Variants in SAFB2 observed in about 807,000 individuals in gnomAD.
SAFB2 encodes the protein scaffold attachment factor B2.
SAFB2 carries 32 observed loss-of-function variants against 100.6 expected under a neutral mutation model. That is an observed-to-expected ratio of 0.32 (90% CI 0.24 to 0.43). SAFB2 has a LOEUF of 0.43. Ranked by LOEUF, SAFB2 falls within the 20% of genes least tolerant of loss-of-function variation. The pLI is 1.00. For missense variants in SAFB2, 1,185 were observed against 1,163.4 expected (o/e 1.02, Z -0.27); for synonymous variants, 500 against 439.4 (o/e 1.14, Z -1.72).
chr19:5,618,230 C>CGGT (rs199740458), intron 2 of SAFB2, among the ~76,000 whole-genome samples: 2,370 of 152,150 alleles, frequency 0.016, 67 homozygotes, highest in African/African-American at 0.054. Context: ...GACGTGGTGG[C>CGGT]GGGCGCCTGT....
At position 5,590,337 on chromosome 19, in the gene SAFB2, C is replaced by G; in HGVS notation, c.2466G>C (p.Trp822Cys). Residue 822 changes from tryptophan (W) to cysteine (C), a missense_variant, in exon 18 of 21, where the codon TGG becomes TGC. Around this residue, in one of 3 missense-constraint regions of SAFB2, gnomAD observed 740 missense variants for 687.1 expected, o/e 1.08. Coordinates refer to ENST00000252542, the MANE Select transcript of SAFB2 (RefSeq NM_014649.3). ...ERHGRDSRDG[W>C]GGYGSDKRLS... is the part of the protein sequence containing the mutation. ...GCCTCTTGTCGGAGCCGTAGCCCCC[C>G]CAGCCATCACGGGAGTCCCGGCCGT... 6.2e-7 allele frequency: 1 copy of G among 1,610,602 alleles called. No homozygotes were observed. Among genetic ancestry groups the G allele is most frequent in the Non-Finnish European group, 8.5e-7 (1 of 1,178,988 alleles).
intron 13 of SAFB2, among the ~76,000 whole-genome samples, chr19:5,597,931 A>C (rs1015005872): frequency 6.6e-6 from 1 of 152,090 alleles, no homozygotes; most frequent in African/African-American, 2.4e-5. Flanking sequence ...GGAGTTCGAG[A>C]CCAGCCTGGC....
At position 5,622,571 on chromosome 19, in the gene SAFB2, T is replaced by C; in HGVS notation, c.145A>G (p.Thr49Ala). Residue 49 changes from threonine (T) to alanine (A), a missense_variant, in exon 1 of 21, where the codon ACG becomes GCG. Physicochemically the swap from Thr to Ala is moderately conservative, Grantham distance 58. Coordinates refer to ENST00000252542, the MANE Select transcript of SAFB2 (RefSeq NM_014649.3). ...RAELKKRNLD[T>A]GGNKSVLMER... Reference sequence around the variant, plus strand: ...ATCAGGACGCTCTTGTTGCCGCCCGTGTCCAGGTTCCGCTTCTTCAGCTCC... The same window carrying C: ...ATCAGGACGCTCTTGTTGCCGCCCGCGTCCAGGTTCCGCTTCTTCAGCTCC... 3.1e-6 allele frequency: 5 copies of C among 1,613,344 alleles called. No homozygotes were observed. Among genetic ancestry groups the C allele is most frequent in the Non-Finnish European group, 4.2e-6 (5 of 1,179,742 alleles).
chr19:5,591,695 T>G, intron 17 of SAFB2, 53 bp downstream of exon 17: 5 of 1,570,958 alleles, frequency 3.2e-6, no homozygotes, highest in Non-Finnish European at 4.4e-6. Context: ...TGGTCCGCTA[T>G]GCCTGCACAG....
Position 5,604,901 on chromosome 19 carries a change from G to A in SAFB2, c.1332C>T (p.Ser444=), listed in dbSNP as rs778126973. 21 of 1,613,670 alleles carry A rather than the reference G, an allele frequency of 1.3e-5. No homozygotes were observed. Among genetic ancestry groups the A allele is most frequent in the Middle Eastern group, 1.7e-4 (1 of 5,888 alleles). ...VGAKVVTNAR[S]PGARCYGFVT... ...CGAATCCATAGCATCGAGCCCCCGG[G>A]CTGCGGGCGTTCGTTACCACTTTGG... Residue 444 remains serine, a synonymous_variant, in exon 10 of 21, where the codon AGC becomes AGT. Coordinates refer to ENST00000252542, the MANE Select transcript of SAFB2 (RefSeq NM_014649.3).
intron 18 of SAFB2, chr19:5,589,052 G>A (rs1002218378): frequency 6.6e-6 from 1 of 152,250 alleles, no homozygotes; most frequent in Non-Finnish European, 1.5e-5. Flanking sequence ...CAGGCCAAGT[G>A]AGCCAGCCCA....
chr19:5,622,156 G>A (rs2053169502), intron 1 of SAFB2, among the ~76,000 whole-genome samples: 1 of 152,188 alleles, frequency 6.6e-6, no homozygotes, highest in Admixed American at 6.5e-5. Context: ...ATGCTCTGGA[G>A]TCCGCCAGAC....
intron 4 of SAFB2, among the ~76,000 whole-genome samples, chr19:5,614,960 C>T (rs1420378313): frequency 6.6e-6 from 1 of 152,200 alleles, no homozygotes; most frequent in African/African-American, 2.4e-5. Context: ...ACTATAATCC[C>T]AGCACTTTGG....
Position 5,622,766 on chromosome 19 carries a change from A to C in SAFB2, c.-51T>G. ...ACTCAGTCGCACACCGCCGGCAGCT[A>C]TAGCGGCTCTGAACACAAAATGGCG... is the stretch of plus-strand genomic sequence containing the variant. On this transcript the variant is annotated 5_prime_UTR_variant, in exon 1 of 21. Transcript: ENST00000252542. The C allele has an allele frequency of 6.5e-7, 1 of 1,547,586 alleles. No individual in the cohort carries two copies. Among genetic ancestry groups the C allele is most frequent in the Non-Finnish European group, 8.7e-7 (1 of 1,150,534 alleles).
chr19:5,593,675 T>C (rs2052465843), intron 15 of SAFB2: 1 of 473,148 alleles, frequency 2.1e-6, no homozygotes, highest in Non-Finnish European at 3.6e-6. Flanking sequence ...ATAACTCAAG[T>C]TCAGGAAGAT....
chr19:5,608,405 A>C (rs763810806), intron 9 of SAFB2, among the ~76,000 whole-genome samples: 5 of 152,238 alleles, frequency 3.3e-5, no homozygotes, highest in Non-Finnish European at 7.3e-5. Flanking sequence ...ACCTCTGCTT[A>C]ATCATCAGTG....
intron 2 of SAFB2, among the ~76,000 whole-genome samples, chr19:5,620,324 C>T (rs571709352): frequency 6.6e-6 from 1 of 152,358 alleles, no homozygotes; most frequent in African/African-American, 2.4e-5. Flanking sequence ...TTTCTAAGCA[C>T]TGATCCTCCA....
intron 18 of SAFB2, among the ~76,000 whole-genome samples, chr19:5,590,028 C>T (rs2145312842): frequency 6.6e-6 from 1 of 152,286 alleles, no homozygotes; most frequent in Middle Eastern, 3.4e-3. Context: ...CTGCAGGCGA[C>T]CCCCAGCTCA....
chr19:5,601,823 CTG>C (rs1401834963), intron 11 of SAFB2, among the ~76,000 whole-genome samples: 2 of 152,174 alleles, frequency 1.3e-5, no homozygotes, highest in African/African-American at 4.8e-5. Context: ...GCACAAAATT[CTG>C]TGTTTATTCA....
intron 9 of SAFB2, among the ~76,000 whole-genome samples, chr19:5,609,530 C>T (rs2052859502): frequency 6.6e-6 from 1 of 152,102 alleles, no homozygotes; most frequent in African/African-American, 2.4e-5. Context: ...TCTCCAACTC[C>T]TGACTTTAGG....
chr19:5,618,012 T>C (rs2053068097), intron 2 of SAFB2, among the ~76,000 whole-genome samples: 1 of 152,092 alleles, frequency 6.6e-6, no homozygotes, highest in Non-Finnish European at 1.5e-5. Context: ...GGCATGGTGT[T>C]ATGTACCTGT....
intron 11 of SAFB2, 37 bp downstream of exon 11, chr19:5,604,546 C>A: frequency 1.3e-6 from 2 of 1,541,410 alleles, no homozygotes. Flanking sequence ...GCCCTCCTCC[C>A]AGGGATTCCA....
chr19:5,592,943 A>G (rs1166744555), intron 15 of SAFB2, 56 bp from the exon 16 acceptor site: 1 of 1,571,824 alleles, frequency 6.4e-7, no homozygotes, highest in Admixed American at 1.7e-5. Context: ...AGGAGGAGGA[A>G]AAAAGGAGGA....
chr19:5,600,057 C>T (rs1012882284), intron 12 of SAFB2, 73 bp downstream of exon 12: 2 of 1,508,134 alleles, frequency 1.3e-6, no homozygotes, highest in South Asian at 2.5e-5. Flanking sequence ...CTGTCCTCAC[C>T]TTCCCTCGGA....
Sources: gnomAD v4.1 joint callset for allele counts (sites outside exome capture counted in the v4.1 genomes callset) on GRCh38, gnomAD v4.1.1 for gene constraint, gnomAD v4.1.1 regional missense constraint, MANE v1.5 for transcripts, NCBI Gene and HGNC (gene_info 2026-07-23, HGNC 2026-07-21) for gene names.